The following OLFM2 variants were observed in gnomAD, a reference collection of about 807,000 sequenced individuals.
The protein encoded by OLFM2 is olfactomedin 2.
In OLFM2, 20 loss-of-function variants were observed where a neutral mutation model predicts 43.9. The observed-to-expected ratio is 0.46, with a 90% CI of 0.32 to 0.66. The LOEUF (loss-of-function observed/expected upper bound fraction) is 0.66, where lower values mean the gene tolerates loss of function less well. OLFM2 is among the 30% of genes least tolerant of loss of function. The probability of loss-of-function intolerance (pLI) is 0.04; values close to 1 mark genes in which losing one functional copy is unlikely to be tolerated. For synonymous variants in OLFM2, 268 were observed against 278.6 expected (o/e 0.96, Z 0.38); for missense variants, 416 against 643.6 (o/e 0.65, Z 3.83).
At chr19:9,896,346 G>A (rs1023000301) in intron 1 of OLFM2, among the ~76,000 whole-genome samples, 2 of 151,858 alleles carry the variant, frequency 1.3e-5, no homozygotes, top group African/African-American at 4.8e-5. Context: ...TGATCCGCCC[G>A]CCTCAGCCTC....
chr19:9,898,109 C>A (rs997659321), intron 1 of OLFM2, among the ~76,000 whole-genome samples: 3 of 148,160 alleles, frequency 2.0e-5, no homozygotes, highest in African/African-American at 7.4e-5. Flanking sequence ...CGGGATTTCA[C>A]CATGTTGGTC....
intron 1 of OLFM2, among the ~76,000 whole-genome samples, chr19:9,933,602 G>A (rs1161323247): frequency 7.2e-6 from 1 of 138,284 alleles, no homozygotes; most frequent in Non-Finnish European, 1.5e-5. Flanking sequence ...TTGTTGTCCA[G>A]GCTGGAGTGC....
intron 1 of OLFM2, among the ~76,000 whole-genome samples, chr19:9,899,953 A>G (rs1205197835): frequency 1.3e-5 from 2 of 151,980 alleles, no homozygotes; most frequent in South Asian, 2.1e-4. Context: ...TCCCACCACA[A>G]TGTCAGTTCC....
chr19:9,936,285 C>T lies in OLFM2; in HGVS notation c.63+19G>A. ...CTCCCGGAGCCACCCGCGCCCGCACCTGCCCGCCGGGCCCCTACCTGTCCG... is the reference window on the plus strand; with the variant it reads ...CTCCCGGAGCCACCCGCGCCCGCACTTGCCCGCCGGGCCCCTACCTGTCCG... On this transcript the variant is annotated intron_variant, in intron 1 of 5. Coordinates refer to ENST00000264833, the MANE Select transcript of OLFM2 (RefSeq NM_058164.4). 6.5e-7 allele frequency: 1 copy of T among 1,528,376 alleles called. No homozygotes were observed. Among genetic ancestry groups the T allele is most frequent in the South Asian group, 1.2e-5 (1 of 83,746 alleles). 94.7% of individuals were successfully genotyped at this position (1,528,376 alleles called of 1,614,324 possible).
intron 2 of OLFM2, among the ~76,000 whole-genome samples, chr19:9,860,306 C>T (rs951644403): frequency 6.6e-5 from 10 of 151,722 alleles, no homozygotes; most frequent in Non-Finnish European, 7.4e-5. Flanking sequence ...AGGGAGACCC[C>T]GTCTCCACAA....
chr19:9,928,208 G>C (rs1050185092), intron 1 of OLFM2, among the ~76,000 whole-genome samples: 35 of 140,100 alleles, frequency 2.5e-4, no homozygotes, highest in Non-Finnish European at 4.0e-4. Context: ...AAGACCCTGC[G>C]TCTTAAAAAA....
At chr19:9,929,837 C>T (rs2086472392) in intron 1 of OLFM2, among the ~76,000 whole-genome samples, 1 of 151,748 alleles carries the variant, frequency 6.6e-6, no homozygotes, top group South Asian at 2.1e-4. Flanking sequence ...GTCAGGAGTT[C>T]GAGACCAACC....
chr19:9,860,891 C>T, intron 1 of OLFM2, 97 bp from the exon 2 acceptor site: 1 of 1,279,872 alleles, frequency 7.8e-7, no homozygotes, highest in Non-Finnish European at 1.1e-6. Context: ...CACAGATGCC[C>T]TTTGCTGGGC....
chr19:9,933,495 C>A (rs1281446785), intron 1 of OLFM2, among the ~76,000 whole-genome samples: 1 of 151,778 alleles, frequency 6.6e-6, no homozygotes, highest in African/African-American at 2.4e-5. Context: ...ACCCTGGCCT[C>A]CCAAAGTGCT....
chr19:9,921,831 C>T (rs1292850383), intron 1 of OLFM2, among the ~76,000 whole-genome samples: 3 of 152,078 alleles, frequency 2.0e-5, no homozygotes, highest in Admixed American at 6.6e-5. Flanking sequence ...CAGTGGCTCA[C>T]GCCTGTCATC....
chr19:9,928,540 CATGCCTGTAAT>C (rs1445422030), intron 1 of OLFM2, among the ~76,000 whole-genome samples: 1 of 152,108 alleles, frequency 6.6e-6, no homozygotes, highest in African/African-American at 2.4e-5. Context: ...TGCAGTGGCT[CATGCCTGTAAT>C]CCCAGCACTG....
intron 1 of OLFM2, among the ~76,000 whole-genome samples, chr19:9,922,539 A>C (rs1437063601): frequency 6.6e-6 from 1 of 152,068 alleles, no homozygotes; most frequent in Admixed American, 6.6e-5. Context: ...TAGGCAGCAT[A>C]ACCAGACCCT....
At chr19:9,902,026 C>CTATATATATATA (rs146963521) in intron 1 of OLFM2, among the ~76,000 whole-genome samples, 65 of 150,172 alleles carry the variant, frequency 4.3e-4, no homozygotes, top group Middle Eastern at 3.4e-3. Flanking sequence ...TATATACTGA[C>CTATATATATATA]TATATATATA....
intron 1 of OLFM2, among the ~76,000 whole-genome samples, chr19:9,864,988 C>G (rs1051049828): frequency 2.2e-4 from 34 of 151,782 alleles, no homozygotes; most frequent in African/African-American, 8.0e-4. Flanking sequence ...TTCACTGCTC[C>G]CCCACTGGTT....
At chr19:9,892,630 G>C (rs1303430305) in intron 1 of OLFM2, among the ~76,000 whole-genome samples, 1 of 152,114 alleles carries the variant, frequency 6.6e-6, no homozygotes, top group Non-Finnish European at 1.5e-5. Flanking sequence ...AGAATCACTT[G>C]AGCCCAGGAG....
intron 1 of OLFM2, among the ~76,000 whole-genome samples, chr19:9,888,354 T>C (rs954040759): frequency 1.3e-5 from 2 of 151,438 alleles, no homozygotes; most frequent in African/African-American, 4.9e-5. Context: ...GAAACCCCCG[T>C]CTCTACTAAA....
chr19:9,901,641 G>A (rs149997488), intron 1 of OLFM2, among the ~76,000 whole-genome samples: 128 of 152,212 alleles, frequency 8.4e-4, no homozygotes, highest in Middle Eastern at 3.4e-3. Context: ...TTGAGATCTC[G>A]CTTTGCCAGG....
intron 1 of OLFM2, among the ~76,000 whole-genome samples, chr19:9,899,510 T>G (rs2046712584): frequency 6.6e-6 from 1 of 152,052 alleles, no homozygotes; most frequent in South Asian, 2.1e-4. Flanking sequence ...CCCAACATAA[T>G]GGGGCTCACC....
chr19:9,907,068 AG>A (rs2046791301), intron 1 of OLFM2, among the ~76,000 whole-genome samples: 1 of 152,114 alleles, frequency 6.6e-6, no homozygotes, highest in South Asian at 2.1e-4. Flanking sequence ...GGAGCTTGGG[AG>A]CCCACCTCCA....
Sources: allele counts gnomAD v4.1 joint callset (sites outside exome capture counted in the v4.1 genomes callset), GRCh38; gene constraint gnomAD v4.1.1; transcripts MANE v1.5; gene names NCBI Gene and HGNC (gene_info 2026-07-23, HGNC 2026-07-21).